The following RBFOX1 variants were observed in gnomAD, a reference collection of about 807,000 sequenced individuals.
The protein encoded by RBFOX1 is RNA binding protein fox-1 homolog 1.
Under a neutral mutation model 57.7 loss-of-function variants are expected in RBFOX1, and 8 were observed. The observed-to-expected ratio is 0.14, with a 90% CI of 0.08 to 0.25. The LOEUF (loss-of-function observed/expected upper bound fraction) is 0.25, where lower values mean the gene tolerates loss of function less well. Among genes scored for constraint, RBFOX1 ranks in the 10% least tolerant of loss-of-function variants. RBFOX1 has a pLI of 1.00. For synonymous variants in RBFOX1, 326 were observed against 222.4 expected (o/e 1.47, Z -4.15); for missense variants, 611 against 548.5 (o/e 1.11, Z -1.14).
intron 2 of RBFOX1, among the ~76,000 whole-genome samples, chr16:6,607,508 T>G (rs2097954772): frequency 6.7e-6 from 1 of 149,774 alleles, no homozygotes; most frequent in South Asian, 2.2e-4. Flanking sequence ...CTCTCCCCTC[T>G]CTTCTCTCTC....
At chr16:7,528,504 G>C (rs566204660) in intron 5 of RBFOX1, among the ~76,000 whole-genome samples, 46 of 152,184 alleles carry the variant, frequency 3.0e-4, no homozygotes, top group Non-Finnish European at 5.9e-4. Context: ...TGAGAGAGGG[G>C]TCTCACTCCA....
intron 3 of RBFOX1, among the ~76,000 whole-genome samples, chr16:6,819,962 C>G (rs1404047327): frequency 6.6e-6 from 1 of 152,108 alleles, no homozygotes; most frequent in East Asian, 1.9e-4. Context: ...TTCACTCATC[C>G]TCTGGCTGTG....
chr16:6,390,539 T>A (rs2092547961), intron 2 of RBFOX1, among the ~76,000 whole-genome samples: 1 of 150,320 alleles, frequency 6.7e-6, no homozygotes, highest in Admixed American at 6.6e-5. Flanking sequence ...AACTTATAAT[T>A]TAGGGAGGGA....
intron 4 of RBFOX1, among the ~76,000 whole-genome samples, chr16:5,983,051 C>T (rs1842793973): frequency 6.6e-6 from 1 of 152,206 alleles, no homozygotes; most frequent in Non-Finnish European, 1.5e-5. Flanking sequence ...CATCCCAGCG[C>T]TGATGTCTGC....
At chr16:7,545,875 C>G (rs2084326203) in intron 5 of RBFOX1, among the ~76,000 whole-genome samples, 2 of 152,024 alleles carry the variant, frequency 1.3e-5, no homozygotes, top group Admixed American at 1.3e-4. Flanking sequence ...GGGAGCAGAA[C>G]CAGGAATGCT....
At chr16:7,471,415 TC>T (rs1007623483) in intron 4 of RBFOX1, among the ~76,000 whole-genome samples, 1 of 152,176 alleles carries the variant, frequency 6.6e-6, no homozygotes, top group African/African-American at 2.4e-5. Context: ...CAGATGCCCT[TC>T]CCCAAAGTTT....
At chr16:5,264,779 G>C (rs1234521516) in intron 1 of RBFOX1, among the ~76,000 whole-genome samples, 1 of 152,052 alleles carries the variant, frequency 6.6e-6, no homozygotes. Flanking sequence ...GGGCTCTCTA[G>C]CATTCTTCTC....
intron 3 of RBFOX1, among the ~76,000 whole-genome samples, chr16:6,764,564 C>A (rs1265071987): frequency 6.6e-6 from 1 of 152,084 alleles, no homozygotes; most frequent in Non-Finnish European, 1.5e-5. Context: ...GTTTCTGTCC[C>A]CATGGGACTT....
chr16:5,385,106 T>C (rs762641600), intron 1 of RBFOX1, among the ~76,000 whole-genome samples: 8 of 152,238 alleles, frequency 5.3e-5, no homozygotes, highest in Non-Finnish European at 1.2e-4. Context: ...TTAGTAATTA[T>C]TATTGTGGCA....
chr16:7,629,825 G>A (rs979825528), intron 10 of RBFOX1, among the ~76,000 whole-genome samples: 1 of 152,240 alleles, frequency 6.6e-6, no homozygotes, highest in African/African-American at 2.4e-5. Context: ...CAATGCAGCC[G>A]CAGTTTGCAG....
chr16:6,845,527 C>T (rs1465447725), intron 3 of RBFOX1, among the ~76,000 whole-genome samples: 2 of 152,096 alleles, frequency 1.3e-5, no homozygotes, highest in African/African-American at 2.4e-5. Context: ...GTGTTCTGTT[C>T]CGTTGGTCGT....
chr16:7,631,008 A>G (rs766219387), intron 11 of RBFOX1, among the ~76,000 whole-genome samples: 11 of 152,218 alleles, frequency 7.2e-5, no homozygotes, highest in Non-Finnish European at 1.6e-4. Context: ...AAAATAATTT[A>G]AATAGCATAT....
chr16:5,648,648 A>G (rs147459855), intron 3 of RBFOX1, among the ~76,000 whole-genome samples: 74 of 152,094 alleles, frequency 4.9e-4, no homozygotes, highest in Middle Eastern at 6.8e-3. Context: ...ACGCTGAGAA[A>G]CTCTGATCTA....
At chr16:6,005,614 C>G (rs1406230471) in intron 4 of RBFOX1, among the ~76,000 whole-genome samples, 1 of 152,204 alleles carries the variant, frequency 6.6e-6, no homozygotes, top group African/African-American at 2.4e-5. Flanking sequence ...CCTCCCTGGC[C>G]TCTACCCACT....
At chr16:5,703,654 G>A (rs929543215) in intron 3 of RBFOX1, among the ~76,000 whole-genome samples, 2 of 152,082 alleles carry the variant, frequency 1.3e-5, no homozygotes, top group Admixed American at 6.6e-5. Flanking sequence ...CACTGAATAG[G>A]TTACTTAACT....
At chr16:6,786,702 C>G (rs1176073946) in intron 3 of RBFOX1, among the ~76,000 whole-genome samples, 2 of 152,086 alleles carry the variant, frequency 1.3e-5, no homozygotes, top group African/African-American at 4.8e-5. Flanking sequence ...GAATGGGGAC[C>G]CTAGCACTAC....
intron 3 of RBFOX1, among the ~76,000 whole-genome samples, chr16:5,860,339 T>G (rs544717084): frequency 6.6e-6 from 1 of 152,226 alleles, no homozygotes; most frequent in South Asian, 2.1e-4. Flanking sequence ...CCTCCCAAAG[T>G]GCTGGGATTA....
At chr16:6,788,073 T>G (rs1395520735) in intron 3 of RBFOX1, among the ~76,000 whole-genome samples, 1 of 151,924 alleles carries the variant, frequency 6.6e-6, no homozygotes, top group Non-Finnish European at 1.5e-5. Flanking sequence ...AAATACAAAA[T>G]TTGGCAGGTG....
rs189819057 is a variant in RBFOX1 at position 6,223,974 on chromosome 16, C to T, written c.-126-93021C>T. On this transcript the variant is annotated intron_variant, in intron 1 of 15. Coordinates refer to ENST00000550418, the MANE Select transcript of RBFOX1 (RefSeq NM_018723.4). The stretch of plus-strand genomic sequence containing the variant: ...TAAATAGGGACTCCTTTCCCCATTG[C>T]TTGTTTTTGTCAGGTTTGTCAAAGA... 5.5e-3 allele frequency among the ~76,000 whole-genome samples: 841 copies of T among 152,246 alleles called. 25 individuals are homozygous for T. The highest frequency in any genetic ancestry group is 0.049 in the Admixed American group (746 of 15,284).
Sources: allele counts gnomAD v4.1 joint callset (sites outside exome capture counted in the v4.1 genomes callset), GRCh38; gene constraint gnomAD v4.1.1; transcripts MANE v1.5; gene names NCBI Gene and HGNC (gene_info 2026-07-23, HGNC 2026-07-21).